SLC10A7: variants seen among roughly 807,000 people sequenced by gnomAD.
SLC10A7 encodes the protein solute carrier family 10 member 7.
A neutral mutation model predicts 43.2 loss-of-function variants in SLC10A7; 29 were observed. The observed-to-expected ratio is 0.67, with a 90% CI of 0.50 to 0.92. The LOEUF (loss-of-function observed/expected upper bound fraction) is 0.92. SLC10A7 is among the 40% of genes least tolerant of loss of function. SLC10A7 has a pLI of 0.00. For synonymous variants in SLC10A7, 152 were observed against 144.8 expected (o/e 1.05, Z -0.35); for missense variants, 295 against 403.2 (o/e 0.73, Z 2.30).
At chr4:146,492,159 G>A (rs1735514291) in intron 4 of SLC10A7, among the ~76,000 whole-genome samples, 1 of 151,772 alleles carries the variant, frequency 6.6e-6, no homozygotes, top group South Asian at 2.1e-4. Context: ...GGCGGAGCTT[G>A]CAGTGAGCCG....
At chr4:146,470,239 T>C (rs566451328) in intron 4 of SLC10A7, among the ~76,000 whole-genome samples, 7 of 152,314 alleles carry the variant, frequency 4.6e-5, no homozygotes, top group South Asian at 2.1e-4. Flanking sequence ...AGAACTATTG[T>C]TCAAATTTAA....
chr4:146,359,803 A>G (rs980920018), intron 5 of SLC10A7, among the ~76,000 whole-genome samples: 1 of 152,174 alleles, frequency 6.6e-6, no homozygotes, highest in African/African-American at 2.4e-5. Flanking sequence ...TTGAATATAT[A>G]TTGAGTATCC....
At chr4:146,391,610 T>C (rs1399444755) in intron 5 of SLC10A7, among the ~76,000 whole-genome samples, 1 of 152,202 alleles carries the variant, frequency 6.6e-6, no homozygotes, top group Non-Finnish European at 1.5e-5. Flanking sequence ...GACAGAGGTG[T>C]ATAAAAGGCA....
At chr4:146,373,333 G>T (rs188515796) in intron 5 of SLC10A7, among the ~76,000 whole-genome samples, 1 of 152,036 alleles carries the variant, frequency 6.6e-6, no homozygotes, top group Non-Finnish European at 1.5e-5. Flanking sequence ...AATTAGCCAG[G>T]CCTGGTGAAA....
intron 5 of SLC10A7, among the ~76,000 whole-genome samples, chr4:146,343,013 T>C (rs1322808879): frequency 6.6e-6 from 1 of 151,942 alleles, no homozygotes; most frequent in African/African-American, 2.4e-5. Flanking sequence ...CTAACTCCTG[T>C]GTTAAGCTAT....
chr4:146,326,711 T>A (rs968366699), intron 5 of SLC10A7, among the ~76,000 whole-genome samples: 1 of 152,172 alleles, frequency 6.6e-6, no homozygotes, highest in Non-Finnish European at 1.5e-5. Flanking sequence ...ACTAAGTGTT[T>A]GAGTTGGGAG....
At chr4:146,407,535 C>T (rs1446260254) in intron 5 of SLC10A7, among the ~76,000 whole-genome samples, 3 of 152,188 alleles carry the variant, frequency 2.0e-5, no homozygotes, top group South Asian at 2.1e-4. Context: ...CCATTTCCCC[C>T]ACATTCCAGA....
chr4:146,323,140 CA>C (rs1366839268), intron 6 of SLC10A7, among the ~76,000 whole-genome samples: 6 of 152,150 alleles, frequency 3.9e-5, no homozygotes, highest in Non-Finnish European at 8.8e-5. Context: ...GAGTAGATTG[CA>C]AAAATTTTCT....
intron 6 of SLC10A7, among the ~76,000 whole-genome samples, chr4:146,311,049 G>A (rs916422181): frequency 1.3e-5 from 2 of 152,040 alleles, no homozygotes; most frequent in Non-Finnish European, 2.9e-5. Flanking sequence ...CTCTCCCAAG[G>A]ATGGTACATA....
chr4:146,480,059 G>A (rs1001190694), intron 4 of SLC10A7, among the ~76,000 whole-genome samples: 3 of 151,986 alleles, frequency 2.0e-5, no homozygotes, highest in African/African-American at 7.3e-5. Context: ...GCATACTGCA[G>A]CTAAATAACA....
At chr4:146,520,220 C>T (rs922740602) in intron 1 of SLC10A7, among the ~76,000 whole-genome samples, 4 of 152,164 alleles carry the variant, frequency 2.6e-5, no homozygotes, top group Admixed American at 2.0e-4. Flanking sequence ...GTGTGCATTG[C>T]AGATCATGCA....
chr4:146,374,900 T>C (rs1737075039), intron 5 of SLC10A7, among the ~76,000 whole-genome samples: 1 of 152,144 alleles, frequency 6.6e-6, no homozygotes, highest in African/African-American at 2.4e-5. Flanking sequence ...CTGTTTCTAA[T>C]ATTGTTAAAT....
At chr4:146,375,154 C>T (rs765043761) in intron 5 of SLC10A7, among the ~76,000 whole-genome samples, 7 of 152,130 alleles carry the variant, frequency 4.6e-5, no homozygotes, top group Admixed American at 1.3e-4. Context: ...TGCAGTGAGC[C>T]GAGATTGCAC....
intron 6 of SLC10A7, among the ~76,000 whole-genome samples, chr4:146,321,529 T>C (rs1732706016): frequency 6.6e-6 from 1 of 152,090 alleles, no homozygotes; most frequent in Non-Finnish European, 1.5e-5. Flanking sequence ...CCTCAACATA[T>C]CCTTTTAGGG....
chr4:146,262,643 C>G (rs546489101), intron 10 of SLC10A7, among the ~76,000 whole-genome samples: 5 of 152,326 alleles, frequency 3.3e-5, no homozygotes, highest in African/African-American at 1.2e-4. Context: ...ATCAAGTACT[C>G]TGTAGAAGGG....
chr4:146,447,625 C>T (rs1731214374), intron 4 of SLC10A7, among the ~76,000 whole-genome samples: 1 of 151,382 alleles, frequency 6.6e-6, no homozygotes, highest in African/African-American at 2.4e-5. Flanking sequence ...AAATGTATAC[C>T]TTGGAGTAAT....
intron 2 of SLC10A7, among the ~76,000 whole-genome samples, chr4:146,513,486 A>G (rs1267013937): frequency 6.6e-6 from 1 of 152,192 alleles, no homozygotes; most frequent in African/African-American, 2.4e-5. Context: ...TAATCTTTCT[A>G]TAAGTAAATA....
chr4:146,510,346 G>A (rs950132055), intron 2 of SLC10A7, among the ~76,000 whole-genome samples: 2 of 150,534 alleles, frequency 1.3e-5, no homozygotes, highest in East Asian at 1.9e-4. Context: ...TGCAACCTCC[G>A]TCCCCCAGTT....
intron 6 of SLC10A7, among the ~76,000 whole-genome samples, chr4:146,320,860 C>CATGGGAAATGATCTGGAATTGGCA (rs1427708215): frequency 4.0e-5 from 6 of 151,882 alleles, no homozygotes; most frequent in African/African-American, 1.5e-4. Context: ...ATGGAGAACG[C>CATGGGAAATGATCTGGAATTGGCA]ATGGGAAATG....
Sources: gnomAD v4.1 joint callset for allele counts (sites outside exome capture counted in the v4.1 genomes callset) on GRCh38, gnomAD v4.1.1 for gene constraint, MANE v1.5 for transcripts, NCBI Gene and HGNC (gene_info 2026-07-23, HGNC 2026-07-21) for gene names.